GCNT4: variants seen among roughly 807,000 people sequenced by gnomAD.
The protein encoded by GCNT4 is glucosaminyl (N-acetyl) transferase 4, also known as beta-1,3-galactosyl-O-glycosyl-glycoprotein beta-1,6-N-acetylglucosaminyltransferase 4.
Under a neutral mutation model 31.3 loss-of-function variants are expected in GCNT4, and 17 were observed. The ratio of observed to expected loss-of-function variants is 0.54; its 90% CI spans 0.37 to 0.81. The LOEUF (loss-of-function observed/expected upper bound fraction) is 0.81, where lower values mean the gene tolerates loss of function less well. GCNT4 is among the 40% of genes least tolerant of loss of function. The pLI is 0.00. For missense variants in GCNT4, 503 were observed against 525.5 expected, an observed-to-expected ratio of 0.96 and a Z score of 0.42; for synonymous variants, 158 against 190.6, an observed-to-expected ratio of 0.83 and a Z score of 1.41.
rs1166758305 is a variant in GCNT4 at position 75,026,367 on chromosome 5, A to G, written c.*2309T>C. 6.6e-6 allele frequency: 1 copy of G among 152,024 alleles called. No homozygotes were observed. Among genetic ancestry groups the G allele is most frequent in the African/African-American group, 2.4e-5 (1 of 41,384 alleles). 9.4% of individuals were successfully genotyped at this position (152,024 alleles called of 1,614,324 possible). On this transcript the variant is annotated 3_prime_UTR_variant, in exon 4 of 4. Coordinates refer to ENST00000652361, the MANE Select transcript of GCNT4 (RefSeq NM_001366737.1). ...AAAAGTATTTGTAGCCCCATTCTCA[A>G]TGTGTCACTGTACCAACCTGTAACC... is the stretch of plus-strand genomic sequence containing the variant.
intron 3 of GCNT4, 76 bp from the exon 4 acceptor site, chr5:75,030,114 C>G: frequency 7.2e-7 from 1 of 1,384,086 alleles, no homozygotes; most frequent in African/African-American, 1.4e-5. Context: ...ATCTACTGGG[C>G]GCCTACCACA....
intron 3 of GCNT4, among the ~76,000 whole-genome samples, chr5:75,032,786 G>T (rs1207262644): frequency 6.6e-6 from 1 of 151,854 alleles, no homozygotes; most frequent in Non-Finnish European, 1.5e-5. Context: ...GACACACAAG[G>T]CAACTCACTG....
At chr5:75,030,951 T>A (rs904310821) in intron 3 of GCNT4, 1 of 166,848 alleles carries the variant, frequency 6.0e-6, no homozygotes, top group Non-Finnish European at 1.5e-5. Context: ...CCACTCTGCA[T>A]GTACATGCCA....
intron 3 of GCNT4, among the ~76,000 whole-genome samples, chr5:75,044,206 C>G (rs1743386535): frequency 6.6e-6 from 1 of 152,034 alleles, no homozygotes; most frequent in Non-Finnish European, 1.5e-5. Flanking sequence ...CAACAAATAG[C>G]TATCAGTACC....
At chr5:75,033,411 CA>C (rs141798611) in intron 3 of GCNT4, among the ~76,000 whole-genome samples, 2,321 of 152,262 alleles carry the variant, frequency 0.015, 29 homozygotes, top group African/African-American at 0.039. Context: ...GAAACTGGCT[CA>C]GGGGCCCACA....
At chr5:75,047,324 T>G (rs560015114) in intron 3 of GCNT4, among the ~76,000 whole-genome samples, 1 of 152,352 alleles carries the variant, frequency 6.6e-6, no homozygotes, top group African/African-American at 2.4e-5. Context: ...AAGAACTTTA[T>G]TATCACCAGG....
At chr5:75,038,745 T>A (rs999079209) in intron 3 of GCNT4, among the ~76,000 whole-genome samples, 1 of 152,226 alleles carries the variant, frequency 6.6e-6, no homozygotes, top group Non-Finnish European at 1.5e-5. Context: ...ATTTAATCAC[T>A]GTCTAAAGGC....
In GCNT4 at chr5:75,030,179, G is replaced by T. The variant is rs1194374759; in HGVS notation, c.-1-141C>A. On this transcript the variant is annotated intron_variant, in intron 3 of 3. Coordinates refer to ENST00000652361, the MANE Select transcript of GCNT4 (RefSeq NM_001366737.1). ...TGAAACAAGGTTTTTACCCTTGAAA[G>T]AATCCAGAAATAAGGAAATGGAATT... 4 of 739,646 alleles carry T rather than the reference G, an allele frequency of 5.4e-6. No homozygotes were observed. In the Admixed American group the frequency reaches 9.0e-5, roughly 17 times the overall value. 45.8% of individuals were successfully genotyped at this position (739,646 alleles called of 1,614,324 possible). A position where few individuals can be genotyped will look rare whatever the true frequency, so the allele number is the denominator to read the frequency against.
the GCNT4 span, among the ~76,000 whole-genome samples, chr5:75,017,976 CT>C: frequency 6.6e-6 from 1 of 152,030 alleles, no homozygotes. Flanking sequence ...ACCAGCAGCA[CT>C]GACACCACCA....
At chr5:75,030,735 G>A (rs578192644) in intron 3 of GCNT4, 55 of 167,176 alleles carry the variant, frequency 3.3e-4, no homozygotes, top group South Asian at 2.9e-3. Context: ...TAGGTGGGGT[G>A]TAAAAACTAC....
intron 3 of GCNT4, among the ~76,000 whole-genome samples, chr5:75,045,586 T>C (rs528842756): frequency 6.6e-6 from 1 of 152,378 alleles, no homozygotes; most frequent in African/African-American, 2.4e-5. Flanking sequence ...AATTCTGCTA[T>C]GAACAAGGGT....
At chr5:75,050,533 G>C (rs1246299241) in intron 2 of GCNT4, among the ~76,000 whole-genome samples, 3 of 152,054 alleles carry the variant, frequency 2.0e-5, no homozygotes, top group African/African-American at 2.4e-5. Context: ...CCCTCGTACA[G>C]AGGACCACCA....
rs1447691952 is a variant in GCNT4 at position 75,026,664 on chromosome 5, A to C, written c.*2012T>G. 4 of 151,368 alleles carry C rather than the reference A, an allele frequency of 2.6e-5. No homozygotes were observed. The highest frequency in any genetic ancestry group is 3.9e-4 in the East Asian group (2 of 5,170). The allele number at this position is 151,368 out of a possible 1,614,324, so 9.4% of individuals were successfully genotyped here. A position where few individuals can be genotyped will look rare whatever the true frequency, so the allele number is the denominator to read the frequency against. On this transcript the variant is annotated 3_prime_UTR_variant, in exon 4 of 4. Transcript: ENST00000652361. ...GATTCTCACAAAAAAAAAAAAAAAAAAAAAAAAACACTTGTGTGGAAGCAA... is the reference window on the plus strand; with the variant it reads ...GATTCTCACAAAAAAAAAAAAAAAACAAAAAAAACACTTGTGTGGAAGCAA...
intron 3 of GCNT4, among the ~76,000 whole-genome samples, chr5:75,041,633 T>C (rs996504721): frequency 6.6e-6 from 1 of 152,172 alleles, no homozygotes; most frequent in African/African-American, 2.4e-5. Flanking sequence ...AGGATGTACA[T>C]ACCCACGCAT....
chr5:75,028,947 C>A lies in GCNT4; in HGVS notation c.1091G>T (p.Ser364Ile). ...ATTCCACTTGACAAGGCGAGTCTTA[C>A]TCTGCAGATCAGACACATCCTGGGC... ...RSAQDVSDLQ[S>I]KTRLVKWNYY... Residue 364 changes from serine (S) to isoleucine (I), a missense_variant, in exon 4 of 4, where the codon AGT becomes ATT. Physicochemically the swap from Ser to Ile is moderately radical, Grantham distance 142 (BLOSUM62 -2). Coordinates refer to ENST00000652361, the MANE Select transcript of GCNT4 (RefSeq NM_001366737.1). The A allele has an allele frequency of 7.4e-6, 12 of 1,613,956 alleles. No individual in the cohort carries two copies. Among genetic ancestry groups the A allele is most frequent in the Non-Finnish European group, 1.0e-5 (12 of 1,180,020 alleles).
intron 3 of GCNT4, among the ~76,000 whole-genome samples, chr5:75,032,843 C>T (rs1462724937): frequency 6.8e-6 from 1 of 146,688 alleles, no homozygotes; most frequent in South Asian, 2.2e-4. Context: ...TGTTGTGGTA[C>T]AGTAGAAGAC....
intron 3 of GCNT4, among the ~76,000 whole-genome samples, chr5:75,032,750 G>GGAAAACT (rs1190409248): frequency 6.6e-6 from 1 of 152,106 alleles, no homozygotes; most frequent in Non-Finnish European, 1.5e-5. Context: ...CTAAAGCTGT[G>GGAAAACT]GAAAACTGTC....
chr5:75,028,030 T>G lies in GCNT4; in HGVS notation c.*646A>C, dbSNP rs1301131133. On this transcript the variant is annotated 3_prime_UTR_variant, in exon 4 of 4. Transcript: ENST00000652361. ...CACATCCTCACCCCCTTCCTTAACT[T>G]TCATACATTATAAATGCCCCCCAAC... The G allele has an allele frequency of 6.6e-6, 1 of 152,232 alleles. No individual in the cohort carries two copies. Among genetic ancestry groups the G allele is most frequent in the Non-Finnish European group, 1.5e-5 (1 of 68,056 alleles). 9.4% of individuals were successfully genotyped at this position (152,232 alleles called of 1,614,324 possible).
chr5:75,036,655 TG>T, intron 3 of GCNT4, among the ~76,000 whole-genome samples: 1 of 152,212 alleles, frequency 6.6e-6, no homozygotes, highest in Non-Finnish European at 1.5e-5. Context: ...ATGATTTCCA[TG>T]GAGAATGAGC....
Sources: gnomAD v4.1 joint callset for allele counts (sites outside exome capture counted in the v4.1 genomes callset) on GRCh38, gnomAD v4.1.1 for gene constraint, MANE v1.5 for transcripts, NCBI Gene and HGNC (gene_info 2026-07-23, HGNC 2026-07-21) for gene names.